NFILZ: variants seen among roughly 807,000 people sequenced by gnomAD.
NFILZ encodes NFIL3 like basic leucine zipper, also known as NFIL3 like protein.
intron 3 of NFILZ, among the ~76,000 whole-genome samples, chr19:8,670,173 C>T (rs1371534773): frequency 6.6e-6 from 1 of 151,730 alleles, no homozygotes; most frequent in Non-Finnish European, 1.5e-5. Flanking sequence ...TACATCACAG[C>T]TCACTGCAGC....
At chr19:8,639,415 AAAAAC>A (rs1320665738) in intron 3 of NFILZ, among the ~76,000 whole-genome samples, 3 of 151,988 alleles carry the variant, frequency 2.0e-5, no homozygotes, top group East Asian at 1.9e-4. Context: ...CTGCCTCTAC[AAAAAC>A]AAAACAAAAC....
At chr19:8,667,745 C>T (rs1284120360) in intron 3 of NFILZ, among the ~76,000 whole-genome samples, 3 of 151,842 alleles carry the variant, frequency 2.0e-5, no homozygotes, top group Non-Finnish European at 4.4e-5. Context: ...GAGGTTTCAC[C>T]ATGTTGGCCA....
chr19:8,661,723 T>C (rs1236374005), intron 3 of NFILZ, among the ~76,000 whole-genome samples: 4 of 152,012 alleles, frequency 2.6e-5, no homozygotes, highest in East Asian at 1.9e-4. Context: ...GAAACCTTGT[T>C]TCTACTAAAA....
intron 3 of NFILZ, among the ~76,000 whole-genome samples, chr19:8,661,657 C>T (rs962423303): frequency 1.9e-4 from 29 of 152,004 alleles, no homozygotes; most frequent in South Asian, 4.2e-4. Flanking sequence ...TTTGGGAGTC[C>T]GAGGAGGGTG....
At chr19:8,643,196 T>G (rs1461007287) in intron 3 of NFILZ, among the ~76,000 whole-genome samples, 10 of 152,164 alleles carry the variant, frequency 6.6e-5, no homozygotes, top group African/African-American at 2.4e-4. Flanking sequence ...GTGAAGTTCC[T>G]GCATCAGCCT....
intron 3 of NFILZ, among the ~76,000 whole-genome samples, chr19:8,663,750 G>GTGTGTGTGTGTGTGTATGTGTGTA (rs2043047219): frequency 3.1e-4 from 43 of 137,060 alleles, no homozygotes; most frequent in South Asian, 1.9e-3. Context: ...GTGTGTGTGT[G>GTGTGTGTGTGTGTGTATGTGTGTA]TGTGTGTGTG....
At chr19:8,634,078 A>G (rs558519554) in intron 2 of NFILZ, among the ~76,000 whole-genome samples, 2 of 149,896 alleles carry the variant, frequency 1.3e-5, no homozygotes, top group South Asian at 4.2e-4. Flanking sequence ...GCTCATTGCA[A>G]CCTCCACCTG....
chr19:8,678,092 TC>T lies in NFILZ; in HGVS notation c.*459del, dbSNP rs1489076211. ...TCCATCCATCAATCCATCCATCCAT[TC>T]CATCCATCCATCCATCCATCCATCC... On this transcript the variant is annotated 3_prime_UTR_variant, in exon 6 of 6. Transcript: ENST00000691075. Among the ~76,000 whole-genome samples, 27 of 5,440 alleles carry T rather than the reference TC, an allele frequency of 5.0e-3. No homozygotes were observed. Among genetic ancestry groups the T allele is most frequent in the Admixed American group, 8.1e-3 (4 of 496 alleles). 3.6% of individuals were successfully genotyped at this position (5,440 alleles called of 152,430 possible).
chr19:8,654,529 C>A (rs2042983665), intron 3 of NFILZ, among the ~76,000 whole-genome samples: 1 of 151,960 alleles, frequency 6.6e-6, no homozygotes, highest in Non-Finnish European at 1.5e-5. Context: ...GTGGGAAGAT[C>A]ACTTGAGCCC....
chr19:8,631,956 G>A (rs1441667441), intron 1 of NFILZ, among the ~76,000 whole-genome samples: 1 of 151,628 alleles, frequency 6.6e-6, no homozygotes, highest in Non-Finnish European at 1.5e-5. Context: ...TGCAACCTCT[G>A]CCTCCCGGGT....
intron 3 of NFILZ, among the ~76,000 whole-genome samples, chr19:8,659,318 G>A (rs896146173): frequency 1.6e-4 from 24 of 152,046 alleles, no homozygotes; most frequent in African/African-American, 5.1e-4. Context: ...CTGTAAAATC[G>A]CAACAATACT....
In NFILZ at chr19:8,671,624, C is replaced by T. The variant is rs566506593; in HGVS notation, c.-163-2927C>T. ...CTCTTGGGGACCCCTGGGCTGTGTTCCTCTTCCTTTCCAGCCCAGCTGTGT... is the reference window on the plus strand; with the variant it reads ...CTCTTGGGGACCCCTGGGCTGTGTTTCTCTTCCTTTCCAGCCCAGCTGTGT... On this transcript the variant is annotated intron_variant, in intron 3 of 5. Coordinates refer to ENST00000691075, the MANE Select transcript of NFILZ (RefSeq NM_001378600.1). Among the ~76,000 whole-genome samples, 15 of 152,166 alleles carry T rather than the reference C, an allele frequency of 9.9e-5. 1 individual carries two copies. In the South Asian group the frequency reaches 2.3e-3, roughly 23 times the overall value.
chr19:8,641,480 G>A (rs1555746655), intron 3 of NFILZ, among the ~76,000 whole-genome samples: 3 of 152,222 alleles, frequency 2.0e-5, no homozygotes, highest in Admixed American at 2.0e-4. Flanking sequence ...AGATTTTGCA[G>A]ATAGTTGTAT....
intron 3 of NFILZ, among the ~76,000 whole-genome samples, chr19:8,648,737 A>T (rs1241134770): frequency 1.3e-5 from 2 of 151,894 alleles, no homozygotes; most frequent in East Asian, 3.9e-4. Flanking sequence ...CTGTAATCCC[A>T]GCTACTTGGG....
chr19:8,673,413 C>T (rs1328142822), intron 3 of NFILZ, among the ~76,000 whole-genome samples: 2 of 152,156 alleles, frequency 1.3e-5, no homozygotes, highest in Admixed American at 6.5e-5. Flanking sequence ...CAGGGCGTCC[C>T]GTCTGGCACC....
At position 8,654,721 on chromosome 19, in the gene NFILZ, T is replaced by C. The variant is rs147236588; in HGVS notation, c.-164+18975T>C. Among the ~76,000 whole-genome samples, 779 of 152,354 alleles carry C rather than the reference T, an allele frequency of 5.1e-3. 5 individuals are homozygous for C. The highest frequency in any genetic ancestry group is 0.012 in the South Asian group (59 of 4,830). On this transcript the variant is annotated intron_variant, in intron 3 of 5. Transcript: ENST00000691075. ...ACCAATGAAGGAGGGTGCAGTTCCA[T>C]ACAGCGCCCACCAGGTGCCGCTGCT...
intron 3 of NFILZ, among the ~76,000 whole-genome samples, chr19:8,640,525 GC>G (rs2042914856): frequency 6.6e-6 from 1 of 152,002 alleles, no homozygotes; most frequent in African/African-American, 2.4e-5. Flanking sequence ...AGCAGAAGGT[GC>G]CTTTGATGTC....
At chr19:8,634,897 AC>A (rs2042887874) in intron 2 of NFILZ, among the ~76,000 whole-genome samples, 1 of 147,106 alleles carries the variant, frequency 6.8e-6, no homozygotes, top group African/African-American at 2.6e-5. Context: ...AAACAAACAA[AC>A]AAACAAAAAA....
chr19:8,659,647 A>G (rs138885477), intron 3 of NFILZ, among the ~76,000 whole-genome samples: 193 of 152,306 alleles, frequency 1.3e-3, no homozygotes, highest in African/African-American at 4.5e-3. Context: ...AGATCCCTCC[A>G]GCAGATAGTG....
Sources: gnomAD v4.1 joint callset for allele counts (sites outside exome capture counted in the v4.1 genomes callset) on GRCh38, gnomAD v4.1.1 for gene constraint, MANE v1.5 for transcripts, NCBI Gene and HGNC (gene_info 2026-07-23, HGNC 2026-07-21) for gene names.